Variants in VAX2 observed in about 807,000 individuals in gnomAD.
VAX2 encodes ventral anterior homeobox 2.
In VAX2, 8 loss-of-function variants were observed where a neutral mutation model predicts 12.5. The ratio of observed to expected loss-of-function variants is 0.64; its 90% confidence interval spans 0.37 to 1.15. The LOEUF (loss-of-function observed/expected upper bound fraction) is 1.15, where lower values mean the gene tolerates loss of function less well. Ranked by LOEUF, VAX2 falls within the 50% of genes most tolerant of loss-of-function variation. The pLI is 0.01. For missense variants in VAX2, 476 were observed against 412.9 expected (o/e 1.15, Z -1.32); for synonymous variants, 183 against 187.6 (o/e 0.98, Z 0.20).
intron 2 of VAX2, among the ~76,000 whole-genome samples, chr2:70,922,615 G>C (rs1471299384): frequency 6.6e-6 from 1 of 151,752 alleles, no homozygotes; most frequent in Non-Finnish European, 1.5e-5. Context: ...AGGAAGAGGT[G>C]AGAAGGGGTG....
chr2:70,921,081 T>G lies in VAX2; in HGVS notation c.248-17T>G. ...CTAGCTAATGAACTAAGCTGGCTCC[T>G]TTCATGGCCTCTGCAGATGCCAAAG... On this transcript the variant is annotated splice_polypyrimidine_tract_variant and intron_variant, in intron 1 of 2. Coordinates refer to ENST00000234392, the MANE Select transcript of VAX2 (RefSeq NM_012476.3). The G allele has an allele frequency of 6.4e-7, 1 of 1,554,136 alleles. No individual in the cohort carries two copies. Among genetic ancestry groups the G allele is most frequent in the Non-Finnish European group, 8.7e-7 (1 of 1,150,372 alleles).
intron 1 of VAX2, among the ~76,000 whole-genome samples, chr2:70,906,894 A>G (rs1177322673): frequency 1.3e-5 from 2 of 152,208 alleles, no homozygotes; most frequent in Non-Finnish European, 2.9e-5. Context: ...CCTTGAAGCC[A>G]GGCAAAGACC....
At chr2:70,901,266 G>A (rs1458065490) in intron 1 of VAX2, among the ~76,000 whole-genome samples, 2 of 151,428 alleles carry the variant, frequency 1.3e-5, no homozygotes, top group African/African-American at 4.9e-5. Flanking sequence ...GAGCAGCGTC[G>A]GCAACCGCGG....
At chr2:70,928,301 C>T (rs1679617337) in intron 2 of VAX2, among the ~76,000 whole-genome samples, 1 of 152,226 alleles carries the variant, frequency 6.6e-6, no homozygotes, top group South Asian at 2.1e-4. Context: ...ATTAGATTCA[C>T]CCACAGAGCT....
chr2:70,923,795 C>A (rs536416579), intron 2 of VAX2, among the ~76,000 whole-genome samples: 2 of 151,808 alleles, frequency 1.3e-5, no homozygotes, highest in Non-Finnish European at 2.9e-5. Flanking sequence ...AGCACTTCCA[C>A]GTGTTCGCCA....
At chr2:70,914,641 G>A (rs1679267686) in intron 1 of VAX2, among the ~76,000 whole-genome samples, 1 of 151,922 alleles carries the variant, frequency 6.6e-6, no homozygotes, top group Admixed American at 6.6e-5. Context: ...TCAACCTTAT[G>A]GGATATAAAG....
intron 1 of VAX2, among the ~76,000 whole-genome samples, chr2:70,918,706 C>G (rs1261989934): frequency 2.0e-5 from 3 of 151,650 alleles, no homozygotes; most frequent in Non-Finnish European, 4.4e-5. Flanking sequence ...ACTATCCTGG[C>G]TAACATGGTG....
At chr2:70,922,073 G>C (rs1233737002) in intron 2 of VAX2, among the ~76,000 whole-genome samples, 1 of 152,202 alleles carries the variant, frequency 6.6e-6, no homozygotes, top group Admixed American at 6.5e-5. Flanking sequence ...CCCAAGGTCA[G>C]ACAACTAATT....
chr2:70,920,740 T>A (rs1284493843), intron 1 of VAX2, among the ~76,000 whole-genome samples: 2 of 151,968 alleles, frequency 1.3e-5, no homozygotes, highest in African/African-American at 4.8e-5. Flanking sequence ...TTCTAACCCA[T>A]CATCCCCTAT....
chr2:70,915,510 G>T (rs527525793), intron 1 of VAX2, among the ~76,000 whole-genome samples: 1 of 152,032 alleles, frequency 6.6e-6, no homozygotes, highest in Non-Finnish European at 1.5e-5. Context: ...GATTACAGGC[G>T]TGAGCCACCA....
chr2:70,910,205 A>G (rs782804070), intron 1 of VAX2, among the ~76,000 whole-genome samples: 1 of 152,170 alleles, frequency 6.6e-6, no homozygotes, highest in Non-Finnish European at 1.5e-5. Flanking sequence ...AAGAAAGAAG[A>G]TTATTCCTGA....
At chr2:70,924,828 G>T (rs1005970015) in intron 2 of VAX2, among the ~76,000 whole-genome samples, 2 of 152,218 alleles carry the variant, frequency 1.3e-5, no homozygotes, top group Non-Finnish European at 2.9e-5. Context: ...GTGCAGCTAA[G>T]ATCCACAGAG....
chr2:70,919,931 T>A (rs190223245), intron 1 of VAX2, among the ~76,000 whole-genome samples: 45 of 152,282 alleles, frequency 3.0e-4, no homozygotes, highest in African/African-American at 9.4e-4. Flanking sequence ...ACTGCAGACG[T>A]TTGTCAGCCT....
At chr2:70,923,257 A>C (rs1372421482) in intron 2 of VAX2, among the ~76,000 whole-genome samples, 1 of 152,144 alleles carries the variant, frequency 6.6e-6, no homozygotes. Flanking sequence ...TAGTAAAAGT[A>C]ATGGACAGCT....
intron 1 of VAX2, among the ~76,000 whole-genome samples, chr2:70,911,111 G>C (rs1045729684): frequency 2.6e-5 from 4 of 152,146 alleles, no homozygotes; most frequent in Non-Finnish European, 5.9e-5. Context: ...TCAGAGGCAA[G>C]AGAAGAGTGA....
intron 2 of VAX2, among the ~76,000 whole-genome samples, chr2:70,922,491 A>G (rs1679480875): frequency 6.6e-6 from 1 of 152,120 alleles, no homozygotes; most frequent in African/African-American, 2.4e-5. Flanking sequence ...TCCCCCCAAC[A>G]GAGTGCTGTG....
At chr2:70,918,841 C>CTGAAATTGT (rs1558658541) in intron 1 of VAX2, among the ~76,000 whole-genome samples, 344 of 25,292 alleles carry the variant, frequency 0.014, no homozygotes, top group African/African-American at 0.086. Flanking sequence ...GCTGAAATTG[C>CTGAAATTGT]GCCACAGCAC....
chr2:70,932,992 G>A lies in VAX2; in HGVS notation c.661G>A (p.Asp221Asn). The A allele has an allele frequency of 1.9e-6, 3 of 1,607,334 alleles. No individual in the cohort carries two copies. In the East Asian group the frequency reaches 6.7e-5, roughly 36 times the overall value. Reference sequence around the variant, plus strand: ...CAGCCACAGGGGCACCTCCTTAGGTGACCCCAGGAACTCCTCCCCACGCCT... The same window carrying A: ...CAGCCACAGGGGCACCTCCTTAGGTAACCCCAGGAACTCCTCCCCACGCCT... ...PASHRGTSLG[D>N]PRNSSPRLNP... The change falls in exon 3 of 3, where the codon GAC becomes AAC. Residue 221 changes from aspartate to asparagine, a missense_variant. Coordinates refer to ENST00000234392, the MANE Select transcript of VAX2 (RefSeq NM_012476.3).
intron 1 of VAX2, among the ~76,000 whole-genome samples, chr2:70,916,329 A>G (rs1228019854): frequency 6.6e-6 from 1 of 152,264 alleles, no homozygotes; most frequent in Non-Finnish European, 1.5e-5. Context: ...CAGAAAATTG[A>G]CATTAATACA....
Sources: allele counts gnomAD v4.1 joint callset (sites outside exome capture counted in the v4.1 genomes callset), GRCh38; gene constraint gnomAD v4.1.1; transcripts MANE v1.5; gene names NCBI Gene and HGNC (gene_info 2026-07-23, HGNC 2026-07-21).